Variants in GULP1 observed in about 807,000 individuals in gnomAD.
The protein encoded by GULP1 is GULP PTB domain containing engulfment adaptor 1.
GULP1 carries 19 observed loss-of-function variants against 40.9 expected under a neutral mutation model. That is an observed-to-expected ratio of 0.46 (90% CI 0.32 to 0.68). The LOEUF (loss-of-function observed/expected upper bound fraction) is 0.68, where lower values mean the gene tolerates loss of function less well. Ranked by LOEUF, GULP1 falls within the 30% of genes least tolerant of loss-of-function variation. The pLI, the probability that GULP1 is intolerant of heterozygous loss-of-function variation, is 0.03. For missense variants in GULP1, 312 were observed against 362.2 expected (o/e 0.86, Z 1.12); for synonymous variants, 119 against 117.6 (o/e 1.01, Z -0.08).
intron 1 of GULP1, among the ~76,000 whole-genome samples, chr2:188,331,436 A>G (rs888380560): frequency 8.5e-5 from 13 of 152,212 alleles, no homozygotes; most frequent in Non-Finnish European, 1.8e-4. Flanking sequence ...TGAAAACACT[A>G]TCTGTGGTTA....
At chr2:188,367,204 G>A (rs1369110603) in intron 1 of GULP1, among the ~76,000 whole-genome samples, 1 of 152,090 alleles carries the variant, frequency 6.6e-6, no homozygotes, top group East Asian at 1.9e-4. Context: ...ATACATTTCA[G>A]TTACTGGAAT....
At chr2:188,513,764 T>C (rs2064857318) in intron 4 of GULP1, among the ~76,000 whole-genome samples, 1 of 152,036 alleles carries the variant, frequency 6.6e-6, no homozygotes, top group Admixed American at 6.6e-5. Context: ...TGGCCTGATA[T>C]TTCTTAAAAA....
At chr2:188,483,392 G>T in intron 3 of GULP1, 39 bp from the exon 4 acceptor site, 1 of 1,051,324 alleles carries the variant, frequency 9.5e-7, no homozygotes. Context: ...ATGACACCAT[G>T]GAAACCTAAA....
At chr2:188,420,509 T>TA (rs1434987408) in intron 2 of GULP1, among the ~76,000 whole-genome samples, 1 of 152,184 alleles carries the variant, frequency 6.6e-6, no homozygotes, top group African/African-American at 2.4e-5. Flanking sequence ...GCAGGAGCAT[T>TA]ACAGCTCTTT....
chr2:188,370,740 C>T (rs1244402780), intron 1 of GULP1, among the ~76,000 whole-genome samples: 1 of 152,182 alleles, frequency 6.6e-6, no homozygotes, highest in Non-Finnish European at 1.5e-5. Flanking sequence ...CTTGAGCTAA[C>T]ACTCAAGAAA....
At chr2:188,318,287 A>AT (rs149055526) in intron 1 of GULP1, among the ~76,000 whole-genome samples, 37,024 of 152,002 alleles carry the variant, frequency 0.24, 5,006 homozygotes, top group African/African-American at 0.37. Context: ...TAAAACATTT[A>AT]GTCAGAGGGT....
At chr2:188,328,415 G>A (rs12105671) in intron 1 of GULP1, among the ~76,000 whole-genome samples, 23,883 of 151,972 alleles carry the variant, frequency 0.16, 2,150 homozygotes, top group South Asian at 0.26. Context: ...ATCTTCTAGC[G>A]TTTTTCTACT....
At chr2:188,501,861 C>A (rs959062768) in intron 4 of GULP1, among the ~76,000 whole-genome samples, 2 of 151,894 alleles carry the variant, frequency 1.3e-5, no homozygotes, top group South Asian at 4.1e-4. Context: ...AATAAGTGTC[C>A]TGTTGTCACT....
intron 2 of GULP1, among the ~76,000 whole-genome samples, chr2:188,439,733 T>C (rs754765358): frequency 5.3e-5 from 8 of 152,132 alleles, no homozygotes; most frequent in Non-Finnish European, 7.4e-5. Flanking sequence ...GAGGACGCCT[T>C]AATTTTATCT....
chr2:188,351,861 C>T (rs2044494183), intron 1 of GULP1, among the ~76,000 whole-genome samples: 4 of 152,044 alleles, frequency 2.6e-5, no homozygotes, highest in Admixed American at 2.6e-4. Flanking sequence ...TAAATATTTG[C>T]TTCATATTTA....
chr2:188,474,640 C>T (rs2060858947), intron 2 of GULP1, among the ~76,000 whole-genome samples: 1 of 152,148 alleles, frequency 6.6e-6, no homozygotes, highest in African/African-American at 2.4e-5. Context: ...TCTACCTTTT[C>T]AGTGCCTCTT....
intron 2 of GULP1, among the ~76,000 whole-genome samples, chr2:188,450,534 A>T (rs2058753808): frequency 6.6e-6 from 1 of 152,106 alleles, no homozygotes; most frequent in South Asian, 2.1e-4. Context: ...ATCACTATAT[A>T]GATATATACA....
intron 2 of GULP1, among the ~76,000 whole-genome samples, chr2:188,425,807 AAATT>A (rs377276799): frequency 2.5e-4 from 38 of 152,266 alleles, no homozygotes; most frequent in African/African-American, 7.7e-4. Context: ...TATTACAGTC[AAATT>A]ATTATGTTTT....
At chr2:188,483,382 A>G (rs753185968) in intron 3 of GULP1, 49 bp from the exon 4 acceptor site, 2 of 867,738 alleles carry the variant, frequency 2.3e-6, no homozygotes, top group East Asian at 2.5e-5. Flanking sequence ...ATGCGTGAAT[A>G]TGACACCATG....
At chr2:188,305,800 G>A (rs373809055) in intron 1 of GULP1, among the ~76,000 whole-genome samples, 11 of 152,200 alleles carry the variant, frequency 7.2e-5, no homozygotes, top group African/African-American at 2.6e-4. Context: ...TTATTTTCAA[G>A]ACAGTCTTGT....
chr2:188,320,143 G>A (rs1259919878), intron 1 of GULP1, among the ~76,000 whole-genome samples: 1 of 152,084 alleles, frequency 6.6e-6, no homozygotes, highest in Non-Finnish European at 1.5e-5. Flanking sequence ...ATGTCCGCTG[G>A]GAGGAAGACC....
chr2:188,297,013 T>A (rs899084536), intron 1 of GULP1, among the ~76,000 whole-genome samples: 1 of 152,068 alleles, frequency 6.6e-6, no homozygotes, highest in African/African-American at 2.4e-5. Context: ...ACATATATAT[T>A]CTTTGATGTT....
chr2:188,319,215 T>C (rs1275205588), intron 1 of GULP1, among the ~76,000 whole-genome samples: 2 of 152,190 alleles, frequency 1.3e-5, no homozygotes, highest in Non-Finnish European at 2.9e-5. Context: ...GCTTATTCTT[T>C]GTAAAAATAA....
intron 5 of GULP1, among the ~76,000 whole-genome samples, chr2:188,528,858 G>C (rs1686843777): frequency 6.6e-6 from 1 of 152,072 alleles, no homozygotes; most frequent in African/African-American, 2.4e-5. Flanking sequence ...TAAATACCAT[G>C]AAAGAAGTGC....
Sources: gnomAD v4.1 joint callset for allele counts (sites outside exome capture counted in the v4.1 genomes callset) on GRCh38, gnomAD v4.1.1 for gene constraint, MANE v1.5 for transcripts, NCBI Gene and HGNC (gene_info 2026-07-23, HGNC 2026-07-21) for gene names.